The following LRMDA variants were observed in gnomAD, a reference collection of about 807,000 sequenced individuals.
LRMDA encodes leucine rich melanocyte differentiation associated, also known as leucine-rich melanocyte differentiation-associated protein.
Under a neutral mutation model 29.8 loss-of-function variants are expected in LRMDA, and 18 were observed. That is an observed-to-expected ratio of 0.60 (90% CI 0.42 to 0.90). LRMDA has a LOEUF of 0.90. LRMDA is among the 40% of genes least tolerant of loss of function. LRMDA has a pLI of 0.00. For missense variants in LRMDA, 273 were observed against 273.9 expected (o/e 1.00, Z 0.02); for synonymous variants, 125 against 109.4 (o/e 1.14, Z -0.89).
intron 2 of LRMDA, among the ~76,000 whole-genome samples, chr10:75,524,116 A>G (rs1225297598): frequency 6.6e-6 from 1 of 152,218 alleles, no homozygotes; most frequent in African/African-American, 2.4e-5. Context: ...AATGTAAATT[A>G]TTATTAATAA....
At chr10:76,280,583 C>G (rs1044633944) in intron 5 of LRMDA, among the ~76,000 whole-genome samples, 11 of 152,116 alleles carry the variant, frequency 7.2e-5, no homozygotes, top group Admixed American at 4.6e-4. Context: ...TTTGAGCTCA[C>G]TGTGTGACTT....
intron 2 of LRMDA, among the ~76,000 whole-genome samples, chr10:75,955,998 T>C (rs1846657228): frequency 6.6e-6 from 1 of 152,218 alleles, no homozygotes; most frequent in African/African-American, 2.4e-5. Flanking sequence ...AATTTATATT[T>C]ATTATCTCCT....
intron 5 of LRMDA, among the ~76,000 whole-genome samples, chr10:76,158,610 T>C (rs1054602687): frequency 1.3e-5 from 2 of 152,182 alleles, no homozygotes; most frequent in African/African-American, 2.4e-5. Flanking sequence ...CTAACAATAT[T>C]ACTAAAGATG....
At chr10:76,148,844 A>G (rs1850383749) in intron 5 of LRMDA, among the ~76,000 whole-genome samples, 1 of 151,828 alleles carries the variant, frequency 6.6e-6, no homozygotes, top group Admixed American at 6.6e-5. Context: ...CTCCGTTATT[A>G]TCTTTACTGT....
chr10:75,594,230 G>A lies in LRMDA; in HGVS notation c.131+155736G>A, dbSNP rs147956322. 6.3e-3 allele frequency among the ~76,000 whole-genome samples: 961 copies of A among 152,294 alleles called. 13 individuals carry two copies. Among genetic ancestry groups the A allele is most frequent in the African/African-American group, 0.022 (896 of 41,564 alleles). On this transcript the variant is annotated intron_variant, in intron 2 of 6. Coordinates refer to ENST00000611255, the MANE Select transcript of LRMDA (RefSeq NM_001305581.2). ...GCCCTGAACCAGAGGGCCCAGCTCT[G>A]GGGGACCGGGATGCTGCTCAGAGGC... is the stretch of plus-strand genomic sequence containing the variant.
chr10:75,904,850 T>C (rs1328280065), intron 2 of LRMDA, among the ~76,000 whole-genome samples: 1 of 151,528 alleles, frequency 6.6e-6, no homozygotes, highest in Non-Finnish European at 1.5e-5. Flanking sequence ...GCTCGGGGAG[T>C]CTCTCTTAGA....
intron 2 of LRMDA, among the ~76,000 whole-genome samples, chr10:75,696,325 TGG>T (rs1163828430): frequency 6.6e-6 from 1 of 152,216 alleles, no homozygotes; most frequent in East Asian, 1.9e-4. Flanking sequence ...GTCAACATCT[TGG>T]GCATTGCTGG....
At chr10:76,415,699 C>T (rs898201420) in intron 6 of LRMDA, among the ~76,000 whole-genome samples, 1 of 152,134 alleles carries the variant, frequency 6.6e-6, no homozygotes, top group African/African-American at 2.4e-5. Flanking sequence ...ACCATATGTG[C>T]GTGCATTCCT....
chr10:75,712,913 C>A (rs1842454583), intron 2 of LRMDA, among the ~76,000 whole-genome samples: 2 of 152,116 alleles, frequency 1.3e-5, no homozygotes, highest in African/African-American at 4.8e-5. Flanking sequence ...CCTTCCCTTG[C>A]CATTATTTTA....
At chr10:75,950,012 G>A (rs1846545768) in intron 2 of LRMDA, among the ~76,000 whole-genome samples, 1 of 152,150 alleles carries the variant, frequency 6.6e-6, no homozygotes, top group East Asian at 1.9e-4. Flanking sequence ...GAGGGTCTCT[G>A]GAATCACCTT....
chr10:75,995,625 A>G (rs1847448995), intron 2 of LRMDA, among the ~76,000 whole-genome samples: 1 of 152,234 alleles, frequency 6.6e-6, no homozygotes, highest in Non-Finnish European at 1.5e-5. Flanking sequence ...AGGCTTATAT[A>G]GCTGGGATAA....
chr10:76,530,452 G>C lies in LRMDA; in HGVS notation c.602-26757G>C, dbSNP rs112053344. Among the ~76,000 whole-genome samples, 522 of 152,040 alleles carry C rather than the reference G, an allele frequency of 3.4e-3. 5 individuals carry two copies. Among genetic ancestry groups the C allele is most frequent in the African/African-American group, 0.012 (494 of 41,488 alleles). Reference sequence around the variant, plus strand: ...TCCATTTTATAGGCAATCTGTAAAAGGAAAAAAGGGCAAAAATAATATTAG... The same window carrying C: ...TCCATTTTATAGGCAATCTGTAAAACGAAAAAAGGGCAAAAATAATATTAG... On this transcript the variant is annotated intron_variant, in intron 6 of 6. Coordinates refer to ENST00000611255, the MANE Select transcript of LRMDA (RefSeq NM_001305581.2).
chr10:75,550,668 G>T (rs1156683034), intron 2 of LRMDA, among the ~76,000 whole-genome samples: 1 of 151,920 alleles, frequency 6.6e-6, no homozygotes, highest in Non-Finnish European at 1.5e-5. Context: ...GTAACTATTG[G>T]TATAGTTGGT....
intron 2 of LRMDA, among the ~76,000 whole-genome samples, chr10:75,627,505 A>C (rs140751415): frequency 5.9e-4 from 90 of 152,302 alleles, no homozygotes; most frequent in Middle Eastern, 3.4e-3. Flanking sequence ...GGAGTGGAGA[A>C]GGTTTGGGCC....
chr10:76,452,607 G>T (rs1274897140), intron 6 of LRMDA, among the ~76,000 whole-genome samples: 1 of 152,166 alleles, frequency 6.6e-6, no homozygotes, highest in Non-Finnish European at 1.5e-5. Flanking sequence ...AATAGTTGAC[G>T]TATAGTGGGC....
chr10:76,273,429 A>G (rs1486361189), intron 5 of LRMDA, among the ~76,000 whole-genome samples: 1 of 152,202 alleles, frequency 6.6e-6, no homozygotes, highest in Non-Finnish European at 1.5e-5. Flanking sequence ...AATCATTGTA[A>G]CCATTAGACA....
chr10:76,337,340 A>G (rs920811220), intron 6 of LRMDA, among the ~76,000 whole-genome samples: 3 of 152,194 alleles, frequency 2.0e-5, no homozygotes, highest in Non-Finnish European at 4.4e-5. Context: ...ATCGGTACTA[A>G]GATGAAAACG....
intron 2 of LRMDA, among the ~76,000 whole-genome samples, chr10:76,010,957 A>G (rs546593250): frequency 2.0e-5 from 3 of 152,366 alleles, no homozygotes; most frequent in South Asian, 4.1e-4. Context: ...CATTGAAAAC[A>G]GACTAGCCCT....
intron 2 of LRMDA, among the ~76,000 whole-genome samples, chr10:75,536,559 T>C (rs908107726): frequency 2.0e-5 from 3 of 152,166 alleles, no homozygotes; most frequent in Non-Finnish European, 4.4e-5. Flanking sequence ...CCACTTGCTA[T>C]TCTTTTATTG....
Sources: gnomAD v4.1 joint callset for allele counts (sites outside exome capture counted in the v4.1 genomes callset) on GRCh38, gnomAD v4.1.1 for gene constraint, MANE v1.5 for transcripts, NCBI Gene and HGNC (gene_info 2026-07-23, HGNC 2026-07-21) for gene names.